RIT2: variants seen among roughly 807,000 people sequenced by gnomAD.
RIT2 encodes the protein GTP-binding protein Rit2.
In RIT2, 24 loss-of-function variants were observed where a neutral mutation model predicts 23.7. The ratio of observed to expected loss-of-function variants is 1.01; its 90% CI spans 0.73 to 1.43. The LOEUF is 1.43. Ranked by LOEUF, RIT2 falls within the 40% of genes most tolerant of loss-of-function variation. The probability of loss-of-function intolerance (pLI) is 0.00; values close to 1 mark genes in which losing one functional copy is unlikely to be tolerated. For missense variants in RIT2, 236 were observed against 266.9 expected (o/e 0.88, Z 0.81); for synonymous variants, 107 against 91.1 (o/e 1.17, Z -0.99).
chr18:43,068,844 T>C (rs1490438762), intron 1 of RIT2, among the ~76,000 whole-genome samples: 1 of 152,090 alleles, frequency 6.6e-6, no homozygotes, highest in Non-Finnish European at 1.5e-5. Flanking sequence ...ACAGTTTACA[T>C]GTTTGTGTGA....
intron 4 of RIT2, among the ~76,000 whole-genome samples, chr18:42,807,898 A>G (rs1326950400): frequency 2.6e-5 from 4 of 152,028 alleles, no homozygotes; most frequent in Non-Finnish European, 5.9e-5. Flanking sequence ...GGTAACAGTC[A>G]ATGCTAAAGA....
chr18:42,787,014 G>C (rs1913937562), intron 4 of RIT2, among the ~76,000 whole-genome samples: 1 of 152,028 alleles, frequency 6.6e-6, no homozygotes, highest in Non-Finnish European at 1.5e-5. Flanking sequence ...CCAGGAAAAA[G>C]AAAATAACAT....
chr18:43,011,598 G>T (rs895830775), intron 2 of RIT2, among the ~76,000 whole-genome samples: 1 of 151,670 alleles, frequency 6.6e-6, no homozygotes, highest in Non-Finnish European at 1.5e-5. Context: ...CAACCAAATA[G>T]AAGTTTTTAT....
chr18:42,867,016 A>G (rs577939454), intron 4 of RIT2, among the ~76,000 whole-genome samples: 1 of 152,330 alleles, frequency 6.6e-6, no homozygotes, highest in African/African-American at 2.4e-5. Flanking sequence ...TCTATTTTAT[A>G]TCAGCAACAT....
intron 4 of RIT2, among the ~76,000 whole-genome samples, chr18:42,820,775 T>C (rs1906126751): frequency 6.6e-6 from 1 of 152,158 alleles, no homozygotes; most frequent in Non-Finnish European, 1.5e-5. Context: ...GTGTATGGTC[T>C]TTTTCTCCTT....
intron 4 of RIT2, among the ~76,000 whole-genome samples, chr18:42,831,173 G>A (rs766070283): frequency 2.0e-5 from 3 of 152,162 alleles, no homozygotes; most frequent in Non-Finnish European, 4.4e-5. Flanking sequence ...GAGTGTGCTT[G>A]ATAGTTAGTT....
intron 2 of RIT2, among the ~76,000 whole-genome samples, chr18:43,004,030 T>C (rs920007617): frequency 6.6e-6 from 1 of 151,728 alleles, no homozygotes; most frequent in African/African-American, 2.4e-5. Context: ...TGTACTGATT[T>C]TTCCCCCCGC....
chr18:42,744,827 G>T (rs1424889563), intron 4 of RIT2, among the ~76,000 whole-genome samples: 1 of 152,086 alleles, frequency 6.6e-6, no homozygotes, highest in African/African-American at 2.4e-5. Context: ...GGGTAAATAA[G>T]TCTCCCTCTA....
intron 1 of RIT2, among the ~76,000 whole-genome samples, chr18:43,085,054 T>A (rs2144352524): frequency 6.6e-6 from 1 of 151,994 alleles, no homozygotes; most frequent in South Asian, 2.1e-4. Flanking sequence ...AAGAGTAGAA[T>A]GAGAAGGAAG....
chr18:43,062,274 A>G (rs1324077966), intron 1 of RIT2, among the ~76,000 whole-genome samples: 1 of 152,156 alleles, frequency 6.6e-6, no homozygotes, highest in East Asian at 1.9e-4. Flanking sequence ...CGATTTCCTT[A>G]AAAAATTGAG....
chr18:42,835,253 A>C (rs150876643), intron 4 of RIT2, among the ~76,000 whole-genome samples: 1 of 152,190 alleles, frequency 6.6e-6, no homozygotes, highest in East Asian at 1.9e-4. Flanking sequence ...GGAGGAAAAA[A>C]TGTGTAGCTA....
intron 4 of RIT2, among the ~76,000 whole-genome samples, chr18:42,835,316 A>G (rs890287670): frequency 6.6e-6 from 1 of 152,070 alleles, no homozygotes; most frequent in Non-Finnish European, 1.5e-5. Flanking sequence ...ATTTACACAC[A>G]CACACTCACA....
intron 4 of RIT2, among the ~76,000 whole-genome samples, chr18:42,798,946 T>A (rs1905447811): frequency 1.3e-5 from 2 of 152,240 alleles, no homozygotes; most frequent in South Asian, 4.1e-4. Flanking sequence ...CACAGGTCTT[T>A]AATCATAATC....
At chr18:42,836,936 A>C (rs143563200) in intron 4 of RIT2, among the ~76,000 whole-genome samples, 2 of 152,200 alleles carry the variant, frequency 1.3e-5, no homozygotes, top group Non-Finnish European at 2.9e-5. Context: ...CGTTACCAAC[A>C]TCAGACAGAC....
chr18:42,881,442 T>C (rs1487932289), intron 4 of RIT2, among the ~76,000 whole-genome samples: 1 of 152,198 alleles, frequency 6.6e-6, no homozygotes, highest in Non-Finnish European at 1.5e-5. Context: ...CATTTCCTTG[T>C]TTTAAATGTC....
chr18:42,754,775 G>A (rs1913123118), intron 4 of RIT2, among the ~76,000 whole-genome samples: 2 of 152,182 alleles, frequency 1.3e-5, no homozygotes, highest in African/African-American at 4.8e-5. Context: ...TTTGGATGAT[G>A]ATGAAAATGA....
At chr18:42,911,980 G>T (rs1908781020) in intron 4 of RIT2, among the ~76,000 whole-genome samples, 1 of 151,828 alleles carries the variant, frequency 6.6e-6, no homozygotes, top group South Asian at 2.1e-4. Flanking sequence ...GGGATCACAT[G>T]AAATGTAAAA....
intron 4 of RIT2, among the ~76,000 whole-genome samples, chr18:42,844,063 T>C (rs1293356893): frequency 6.6e-6 from 1 of 152,202 alleles, no homozygotes; most frequent in Non-Finnish European, 1.5e-5. Context: ...ATATGTTTTC[T>C]CAGCCTACCA....
intron 2 of RIT2, among the ~76,000 whole-genome samples, chr18:43,015,198 A>C (rs1911445832): frequency 6.6e-6 from 1 of 151,704 alleles, no homozygotes; most frequent in South Asian, 2.1e-4. Context: ...AGCAGTCATG[A>C]GAGTGAGAAT....
Sources: allele counts gnomAD v4.1 joint callset (sites outside exome capture counted in the v4.1 genomes callset), GRCh38; gene constraint gnomAD v4.1.1; transcripts MANE v1.5; gene names NCBI Gene and HGNC (gene_info 2026-07-23, HGNC 2026-07-21).